Variants in GALNTL6 observed in about 807,000 individuals in gnomAD.
The protein encoded by GALNTL6 is polypeptide N-acetylgalactosaminyltransferase like 6.
A neutral mutation model predicts 73.7 loss-of-function variants in GALNTL6; 46 were observed. The observed-to-expected ratio is 0.62, with a 90% CI of 0.49 to 0.80. The LOEUF is 0.80. Among genes scored for constraint, GALNTL6 ranks in the 30% least tolerant of loss-of-function variants. The pLI, the probability that GALNTL6 is intolerant of heterozygous loss-of-function variation, is 0.00. For synonymous variants in GALNTL6, 259 were observed against 263.7 expected, an observed-to-expected ratio of 0.98 and a Z score of 0.17; for missense variants, 604 against 755.0, an observed-to-expected ratio of 0.80 and a Z score of 2.34.
At chr4:172,315,096 T>A (rs1360998572) in intron 4 of GALNTL6, among the ~76,000 whole-genome samples, 1 of 152,228 alleles carries the variant, frequency 6.6e-6, no homozygotes. Context: ...AAAAAATAAA[T>A]TTCAAGCTTT....
At chr4:172,320,277 A>G (rs1740712458) in intron 4 of GALNTL6, among the ~76,000 whole-genome samples, 1 of 152,078 alleles carries the variant, frequency 6.6e-6, no homozygotes, top group Admixed American at 6.5e-5. Flanking sequence ...TTCTCAGGCT[A>G]CTGGTCCCCT....
At chr4:172,678,422 C>T (rs891993491) in intron 5 of GALNTL6, among the ~76,000 whole-genome samples, 12 of 151,632 alleles carry the variant, frequency 7.9e-5, no homozygotes, top group East Asian at 1.9e-4. Flanking sequence ...CTCGGCTCAC[C>T]GCAACCTCTG....
chr4:171,866,016 G>T (rs575871396), intron 2 of GALNTL6, among the ~76,000 whole-genome samples: 30 of 152,184 alleles, frequency 2.0e-4, no homozygotes, highest in Non-Finnish European at 4.0e-4. Flanking sequence ...TATAAAAAAG[G>T]CTGTTTTCCC....
chr4:171,849,504 C>G (rs183619738), intron 2 of GALNTL6, among the ~76,000 whole-genome samples: 1 of 152,172 alleles, frequency 6.6e-6, no homozygotes. Flanking sequence ...ATTTCACTTT[C>G]AACTACTTTA....
chr4:172,410,052 T>C (rs1744375929), intron 5 of GALNTL6, among the ~76,000 whole-genome samples: 1 of 152,034 alleles, frequency 6.6e-6, no homozygotes, highest in African/African-American at 2.4e-5. Context: ...AGAATACTCA[T>C]AAGAATAAAT....
intron 5 of GALNTL6, among the ~76,000 whole-genome samples, chr4:172,656,706 G>A (rs986240281): frequency 6.6e-6 from 1 of 152,192 alleles, no homozygotes; most frequent in African/African-American, 2.4e-5. Context: ...AGAGATGGCT[G>A]AAGGTCAATC....
chr4:172,778,308 C>G (rs148179468), intron 5 of GALNTL6, among the ~76,000 whole-genome samples: 1 of 152,168 alleles, frequency 6.6e-6, no homozygotes, highest in Non-Finnish European at 1.5e-5. Flanking sequence ...CCACACAACA[C>G]AGAATTATTT....
At chr4:172,930,147 G>A (rs377541082) in intron 8 of GALNTL6, among the ~76,000 whole-genome samples, 27 of 152,082 alleles carry the variant, frequency 1.8e-4, no homozygotes, top group African/African-American at 6.0e-4. Context: ...GCGTGGTAGC[G>A]GGCACCTATA....
At chr4:172,002,400 G>T (rs1328048257) in intron 2 of GALNTL6, among the ~76,000 whole-genome samples, 1 of 152,108 alleles carries the variant, frequency 6.6e-6, no homozygotes, top group Non-Finnish European at 1.5e-5. Context: ...CCAGGAAGTG[G>T]ATGCTCACCA....
At chr4:171,958,273 A>G (rs1244185790) in intron 2 of GALNTL6, among the ~76,000 whole-genome samples, 1 of 152,194 alleles carries the variant, frequency 6.6e-6, no homozygotes, top group Non-Finnish European at 1.5e-5. Flanking sequence ...TAAGAATGCA[A>G]CAAAATATCA....
At chr4:172,066,899 T>G (rs896366438) in intron 2 of GALNTL6, among the ~76,000 whole-genome samples, 1 of 152,158 alleles carries the variant, frequency 6.6e-6, no homozygotes, top group Non-Finnish European at 1.5e-5. Flanking sequence ...ACTTATAACC[T>G]GACTCATGCT....
intron 2 of GALNTL6, among the ~76,000 whole-genome samples, chr4:171,871,778 A>C (rs1736144140): frequency 6.6e-6 from 1 of 152,176 alleles, no homozygotes; most frequent in Non-Finnish European, 1.5e-5. Flanking sequence ...TAGATTTGTC[A>C]TCTGTTGTAA....
rs778156050 is a variant in GALNTL6 at position 172,206,805 on chromosome 4, G to GTTTTTTTTTTTTTTTTTTTTTT, written c.139-22843_139-22842insTTTTTTTTTTTTTTTTTTTTTT. On this transcript the variant is annotated intron_variant, in intron 2 of 12. Coordinates refer to ENST00000506823, the MANE Select transcript of GALNTL6 (RefSeq NM_001034845.3). The stretch of plus-strand genomic sequence containing the variant: ...TTGTTTTGTTTTGTTTTGTTTTTCT[G>GTTTTTTTTTTTTTTTTTTTTTT]TTTTTTTTGTTTGTTTTTTTTTTTT... Among the ~76,000 whole-genome samples the GTTTTTTTTTTTTTTTTTTTTTT allele has an allele frequency of 3.8e-4, 10 of 26,130 alleles. 1 individual carries two copies. The highest frequency in any genetic ancestry group is 7.6e-4 in the African/African-American group (8 of 10,512). The allele number at this position is 26,130 out of a possible 152,430, so 17.1% of individuals were successfully genotyped here.
chr4:172,365,639 C>T (rs1421894635), intron 5 of GALNTL6, among the ~76,000 whole-genome samples: 1 of 151,792 alleles, frequency 6.6e-6, no homozygotes, highest in African/African-American at 2.4e-5. Context: ...CAAGCCTTGC[C>T]TTGCTTATCT....
chr4:172,542,006 A>G (rs1735566968), intron 5 of GALNTL6, among the ~76,000 whole-genome samples: 1 of 151,894 alleles, frequency 6.6e-6, no homozygotes, highest in African/African-American at 2.4e-5. Flanking sequence ...TGAGGTATAT[A>G]CCCTGGGGTT....
intron 2 of GALNTL6, among the ~76,000 whole-genome samples, chr4:172,117,724 G>T (rs1733025489): frequency 1.3e-5 from 2 of 152,074 alleles, no homozygotes; most frequent in South Asian, 4.1e-4. Flanking sequence ...ACTGAGCAAT[G>T]AAAAGCCAGA....
At chr4:172,376,589 CT>C (rs34770379) in intron 5 of GALNTL6, among the ~76,000 whole-genome samples, 3,109 of 152,246 alleles carry the variant, frequency 0.02, 101 homozygotes, top group African/African-American at 0.07. Flanking sequence ...ACGCTAGTCG[CT>C]TTTAACTGTG....
intron 9 of GALNTL6, among the ~76,000 whole-genome samples, chr4:172,940,970 A>G (rs1375124972): frequency 6.6e-6 from 1 of 152,200 alleles, no homozygotes; most frequent in Non-Finnish European, 1.5e-5. Flanking sequence ...GCCACCATGT[A>G]CAGCCTCAAA....
At chr4:172,496,427 C>T (rs918510482) in intron 5 of GALNTL6, among the ~76,000 whole-genome samples, 4 of 152,004 alleles carry the variant, frequency 2.6e-5, no homozygotes, top group Admixed American at 6.6e-5. Flanking sequence ...CAGTGGCTCA[C>T]GCCTGTAATC....
Sources: allele counts gnomAD v4.1 joint callset (sites outside exome capture counted in the v4.1 genomes callset), GRCh38; gene constraint gnomAD v4.1.1; transcripts MANE v1.5; gene names NCBI Gene and HGNC (gene_info 2026-07-23, HGNC 2026-07-21).